The following CADPS variants were observed in gnomAD, a reference collection of about 807,000 sequenced individuals.
The protein encoded by CADPS is calcium dependent secretion activator, also known as calcium-dependent secretion activator 1.
CADPS carries 57 observed loss-of-function variants against 167.3 expected under a neutral mutation model. The observed-to-expected ratio is 0.34, with a 90% CI of 0.28 to 0.42. The LOEUF is 0.42. Among genes scored for constraint, CADPS ranks in the 20% least tolerant of loss-of-function variants. The probability of loss-of-function intolerance (pLI) is 1.00; values close to 1 mark genes in which losing one functional copy is unlikely to be tolerated. For synonymous variants in CADPS, 676 were observed against 635.3 expected (o/e 1.06, Z -0.96); for missense variants, 1,414 against 1,738.1 (o/e 0.81, Z 3.32).
chr3:62,843,655 C>T (rs1446926183), intron 1 of CADPS, among the ~76,000 whole-genome samples: 1 of 152,082 alleles, frequency 6.6e-6, no homozygotes, highest in Non-Finnish European at 1.5e-5. Context: ...TACAAGACAG[C>T]CACTGAAGCT....
intron 17 of CADPS, among the ~76,000 whole-genome samples, chr3:62,506,235 A>T (rs930377578): frequency 3.3e-5 from 5 of 152,072 alleles, no homozygotes; most frequent in African/African-American, 1.2e-4. Flanking sequence ...TAAAAATACA[A>T]AAGTTAGCTG....
intron 6 of CADPS, among the ~76,000 whole-genome samples, chr3:62,596,927 C>T (rs889368827): frequency 6.6e-6 from 1 of 152,140 alleles, no homozygotes; most frequent in South Asian, 2.1e-4. Context: ...CCAAGCTGGA[C>T]CAGAACCCAA....
intron 26 of CADPS, among the ~76,000 whole-genome samples, chr3:62,451,524 G>C (rs2058045653): frequency 6.6e-6 from 1 of 151,672 alleles, no homozygotes; most frequent in Admixed American, 6.6e-5. Context: ...AGTCTGGTGG[G>C]TAAGACTCAA....
chr3:62,557,300 G>T, intron 10 of CADPS, 105 bp downstream of exon 10: 1 of 777,562 alleles, frequency 1.3e-6, no homozygotes, highest in Non-Finnish European at 2.3e-6. Context: ...TTAGTGAATT[G>T]ACTTAGTGCC....
intron 21 of CADPS, among the ~76,000 whole-genome samples, chr3:62,483,474 C>T (rs141128007): frequency 5.8e-4 from 89 of 152,238 alleles, no homozygotes; most frequent in African/African-American, 2.0e-3. Flanking sequence ...TATTCTTTCA[C>T]AATGGCAATA....
At chr3:62,652,520 C>G (rs1195035941) in intron 4 of CADPS, among the ~76,000 whole-genome samples, 2 of 151,742 alleles carry the variant, frequency 1.3e-5, no homozygotes, top group Non-Finnish European at 2.9e-5. Context: ...AGCAGTTGAA[C>G]TAGACTGAGA....
chr3:62,507,442 A>G (rs1304271445), intron 17 of CADPS, among the ~76,000 whole-genome samples: 1 of 151,394 alleles, frequency 6.6e-6, no homozygotes, highest in Non-Finnish European at 1.5e-5. Context: ...CAACAAGGGT[A>G]GGGAGCATGA....
chr3:62,779,963 C>A (rs1356037605), intron 1 of CADPS, among the ~76,000 whole-genome samples: 1 of 152,208 alleles, frequency 6.6e-6, no homozygotes, highest in African/African-American at 2.4e-5. Flanking sequence ...AGTTTCTCAT[C>A]ATTGAGAGTA....
chr3:62,852,604 GA>G (rs368586358), intron 1 of CADPS, among the ~76,000 whole-genome samples: 1,802 of 138,292 alleles, frequency 0.013, 40 homozygotes, highest in African/African-American at 0.042. Flanking sequence ...ATCAAAAAAA[GA>G]AAAAAAAAAA....
At chr3:62,523,509 A>G (rs908920696) in intron 13 of CADPS, among the ~76,000 whole-genome samples, 1 of 152,174 alleles carries the variant, frequency 6.6e-6, no homozygotes, top group African/African-American at 2.4e-5. Flanking sequence ...TCTTTCTAGA[A>G]TGGTTCTCCA....
At chr3:62,400,677 G>A (rs1047219146) in intron 29 of CADPS, among the ~76,000 whole-genome samples, 1 of 143,712 alleles carries the variant, frequency 7.0e-6, no homozygotes, top group Admixed American at 7.4e-5. Flanking sequence ...TCGGCTCACT[G>A]CAACCTCCAC....
intron 1 of CADPS, among the ~76,000 whole-genome samples, chr3:62,825,748 G>C (rs1473625950): frequency 2.0e-5 from 3 of 152,094 alleles, no homozygotes; most frequent in Non-Finnish European, 4.4e-5. Context: ...TTTAAACTTT[G>C]AAAACAGCTC....
chr3:62,540,128 G>C (rs555485303), intron 11 of CADPS, among the ~76,000 whole-genome samples: 12 of 152,166 alleles, frequency 7.9e-5, no homozygotes, highest in Non-Finnish European at 1.5e-4. Flanking sequence ...CAAGTAGTTA[G>C]TGAGCCAAGG....
At chr3:62,718,539 T>C (rs1412585636) in intron 3 of CADPS, among the ~76,000 whole-genome samples, 2 of 152,204 alleles carry the variant, frequency 1.3e-5, no homozygotes, top group Non-Finnish European at 2.9e-5. Flanking sequence ...AGAATGCCAG[T>C]TGGAGAATCC....
intron 28 of CADPS, among the ~76,000 whole-genome samples, chr3:62,436,366 T>C (rs1576011996): frequency 6.6e-6 from 1 of 152,080 alleles, no homozygotes; most frequent in African/African-American, 2.4e-5. Flanking sequence ...AATCGGAAGA[T>C]ACTGATCAAA....
intron 3 of CADPS, among the ~76,000 whole-genome samples, chr3:62,699,459 T>C (rs1249458526): frequency 6.6e-6 from 1 of 152,190 alleles, no homozygotes; most frequent in Non-Finnish European, 1.5e-5. Flanking sequence ...AGGTGTGACC[T>C]AGACGTGGTC....
chr3:62,537,814 T>C (rs896989451), intron 11 of CADPS, among the ~76,000 whole-genome samples: 9 of 151,934 alleles, frequency 5.9e-5, no homozygotes, highest in Admixed American at 5.9e-4. Flanking sequence ...GATGATGATT[T>C]CTCCTATTAT....
chr3:62,678,269 T>C (rs529551688), intron 3 of CADPS, among the ~76,000 whole-genome samples: 1 of 152,076 alleles, frequency 6.6e-6, no homozygotes, highest in Admixed American at 6.6e-5. Flanking sequence ...GGGGTAGAAA[T>C]AGGCACAATG....
intron 28 of CADPS, among the ~76,000 whole-genome samples, chr3:62,436,194 G>A (rs980384623): frequency 3.3e-5 from 5 of 152,184 alleles, no homozygotes; most frequent in Non-Finnish European, 5.9e-5. Flanking sequence ...AAAAAGAGAG[G>A]CAAGGGTGGA....
Sources: gnomAD v4.1 joint callset for allele counts (sites outside exome capture counted in the v4.1 genomes callset) on GRCh38, gnomAD v4.1.1 for gene constraint, MANE v1.5 for transcripts, NCBI Gene and HGNC (gene_info 2026-07-23, HGNC 2026-07-21) for gene names.